The following E2F3 variants were observed in gnomAD, a reference collection of about 807,000 sequenced individuals.
E2F3 encodes the protein E2F transcription factor 3, also known as transcription factor E2F3.
In E2F3, 11 loss-of-function variants were observed where a neutral mutation model predicts 44.4. That is an observed-to-expected ratio of 0.25 (90% CI 0.16 to 0.41). E2F3 has a LOEUF of 0.41. Among genes scored for constraint, E2F3 ranks in the 10% least tolerant of loss-of-function variants. The pLI is 1.00. For missense variants in E2F3, 487 were observed against 583.6 expected (o/e 0.83, Z 1.70); for synonymous variants, 249 against 253.0 (o/e 0.98, Z 0.15).
chr6:20,402,409 G>C lies in E2F3; in HGVS notation c.177G>C (p.Gln59His). Residue 59 changes from glutamine to histidine, a missense_variant, in exon 1 of 7, where the codon CAG becomes CAC. Gln to His is a conservative substitution (Grantham distance 24). Transcript: ENST00000346618. This position sits in a 1 kb window ranked among gnomAD's most constrained non-coding sequence, Gnocchi z 5.6. ...AAAAAPGAYI[Q>H]ILTTNTSTTS... is the part of the protein sequence containing the mutation. ...CCGCCGCCCCGGGCGCGTACATCCA[G>C]ATCCTCACCACGAACACTTCCACCA... 6.2e-7 allele frequency: 1 copy of C among 1,609,782 alleles called. No homozygotes were observed. The highest frequency in any genetic ancestry group is 1.1e-5 in the South Asian group (1 of 90,700).
intron 1 of E2F3, 96 bp from the exon 2 acceptor site, chr6:20,479,750 G>A: frequency 1.0e-6 from 1 of 980,226 alleles, no homozygotes; most frequent in Non-Finnish European, 1.6e-6. Flanking sequence ...GAGCTGGCAT[G>A]AGCCTGCAGC....
chr6:20,448,976 G>A (rs902928645), intron 1 of E2F3, among the ~76,000 whole-genome samples: 8 of 152,178 alleles, frequency 5.3e-5, no homozygotes, highest in Non-Finnish European at 5.9e-5. Context: ...CTTAGTAAAT[G>A]CTGTTCTGGA....
chr6:20,475,591 T>C (rs1356506113), intron 1 of E2F3, among the ~76,000 whole-genome samples: 4 of 152,206 alleles, frequency 2.6e-5, no homozygotes, highest in Non-Finnish European at 5.9e-5. Flanking sequence ...AACCTCCACC[T>C]CCCAGGTTCA....
chr6:20,463,794 A>G (rs1312198888), intron 1 of E2F3, among the ~76,000 whole-genome samples: 2 of 152,200 alleles, frequency 1.3e-5, no homozygotes, highest in African/African-American at 2.4e-5. Flanking sequence ...TCATCTACCC[A>G]GAGATAGCGT....
At chr6:20,484,667 A>G (rs1346015173) in intron 4 of E2F3, among the ~76,000 whole-genome samples, 1 of 152,240 alleles carries the variant, frequency 6.6e-6, no homozygotes, top group Non-Finnish European at 1.5e-5. Context: ...TGAATTAGCC[A>G]TCATCTCAAC....
At position 20,486,796 on chromosome 6, in the gene E2F3, C is replaced by T. The variant is rs2127626070; in HGVS notation, c.992C>T (p.Ser331Leu). The change falls in exon 5 of 7, where the codon TCA becomes TTA. Residue 331 changes from serine (S) to leucine (L), a missense_variant. Transcript: ENST00000346618. ...PPETRLEVPDSIESLQIHLAS... is the reference protein window; with the variant it reads ...PPETRLEVPDLIESLQIHLAS... ...GAAACAAGACTTGAAGTGCCTGACTCAATAGAGGTAAGGAGACAGCGTCTT... is the reference window on the plus strand; with the variant it reads ...GAAACAAGACTTGAAGTGCCTGACTTAATAGAGGTAAGGAGACAGCGTCTT... The T allele has an allele frequency of 6.2e-7, 1 of 1,604,464 alleles. No homozygotes were observed. The highest frequency in any genetic ancestry group is 1.1e-5 in the South Asian group (1 of 90,386).
chr6:20,420,124 TACCACCACC>T (rs1271244492), intron 1 of E2F3, among the ~76,000 whole-genome samples: 2 of 152,212 alleles, frequency 1.3e-5, no homozygotes, highest in African/African-American at 4.8e-5. Flanking sequence ...TTGCTGCTGC[TACCACCACC>T]ACCGCTACTA....
intron 1 of E2F3, among the ~76,000 whole-genome samples, chr6:20,430,333 G>A (rs1269016818): frequency 6.6e-6 from 1 of 152,110 alleles, no homozygotes; most frequent in Non-Finnish European, 1.5e-5. Context: ...TCTAAAGATA[G>A]GACTCAGGAT....
intron 1 of E2F3, among the ~76,000 whole-genome samples, chr6:20,429,405 T>C (rs1467847520): frequency 1.3e-5 from 2 of 152,196 alleles, no homozygotes; most frequent in Non-Finnish European, 2.9e-5. Context: ...ACCTGGGACT[T>C]GAGTCATCCC....
chr6:20,447,029 T>C (rs1760968054), intron 1 of E2F3, among the ~76,000 whole-genome samples: 1 of 152,338 alleles, frequency 6.6e-6, no homozygotes, highest in East Asian at 1.9e-4. Context: ...CAGAATATAA[T>C]CAATTTTTAA....
chr6:20,402,593 CGCGGCGGCA>C lies in E2F3; in HGVS notation c.370_378del (p.Ser124_Gly126del), dbSNP rs1263818507. 6.2e-5 allele frequency: 86 copies of C among 1,381,278 alleles called. No individual in the cohort carries two copies. Among genetic ancestry groups the C allele is most frequent in the African/African-American group, 2.6e-4 (17 of 65,806 alleles). The allele number at this position is 1,381,278 out of a possible 1,614,324, so 85.6% of individuals were successfully genotyped here. On this transcript the variant is annotated inframe_deletion, in exon 1 of 7. Coordinates refer to ENST00000346618, the MANE Select transcript of E2F3 (RefSeq NM_001949.5). The surrounding 1 kb of genome is among the most constrained non-coding windows in gnomAD (Gnocchi z 5.6). ...GCTGCAGCAGCCACCAGCGCTGGGA[CGCGGCGGCA>C]GCGGCGGCGGCGGCGGCCCTCCGGT... is the stretch of plus-strand genomic sequence containing the variant.
At chr6:20,414,886 G>T (rs756041062) in intron 1 of E2F3, among the ~76,000 whole-genome samples, 1 of 152,150 alleles carries the variant, frequency 6.6e-6, no homozygotes, top group Non-Finnish European at 1.5e-5. Flanking sequence ...GCCAATTACC[G>T]TGTGTGACCT....
chr6:20,454,771 G>C (rs556455301), intron 1 of E2F3, among the ~76,000 whole-genome samples: 47 of 152,286 alleles, frequency 3.1e-4, no homozygotes, highest in African/African-American at 1.0e-3. Flanking sequence ...TCTGATGACT[G>C]TTAGCCACGC....
intron 4 of E2F3, among the ~76,000 whole-genome samples, chr6:20,484,364 GA>G (rs1273293334): frequency 6.6e-6 from 1 of 152,200 alleles, no homozygotes; most frequent in Non-Finnish European, 1.5e-5. Context: ...CAAATGTGTT[GA>G]AATTTTCCTT....
chr6:20,454,290 C>T (rs1761236935), intron 1 of E2F3, among the ~76,000 whole-genome samples: 1 of 152,210 alleles, frequency 6.6e-6, no homozygotes, highest in South Asian at 2.1e-4. Flanking sequence ...ACAAGCCTCT[C>T]AGGTGTTTCT....
At chr6:20,444,044 T>C (rs531589184) in intron 1 of E2F3, among the ~76,000 whole-genome samples, 1 of 151,934 alleles carries the variant, frequency 6.6e-6, no homozygotes. Flanking sequence ...AAACCAGGTC[T>C]CTACAAAAAA....
At chr6:20,437,701 C>T (rs1460396201) in intron 1 of E2F3, 1 of 152,184 alleles carries the variant, frequency 6.6e-6, no homozygotes, top group Non-Finnish European at 1.5e-5. Context: ...AAAACGGACA[C>T]TTGTCATTCT....
chr6:20,442,948 C>T (rs547694800), intron 1 of E2F3, among the ~76,000 whole-genome samples: 70 of 146,718 alleles, frequency 4.8e-4, no homozygotes, highest in Admixed American at 8.4e-4. Flanking sequence ...CCAGCCTGGG[C>T]GACAAGAGCA....
chr6:20,492,244 G>A lies in E2F3; in HGVS notation c.*1814G>A, dbSNP rs1561892153. The A allele has an allele frequency of 4.3e-6, 1 of 230,808 alleles. No homozygotes were observed. The highest frequency in any genetic ancestry group is 8.6e-6 in the Non-Finnish European group (1 of 116,342). 14.3% of individuals were successfully genotyped at this position (230,808 alleles called of 1,614,324 possible). On this transcript the variant is annotated 3_prime_UTR_variant, in exon 7 of 7. Coordinates refer to ENST00000346618, the MANE Select transcript of E2F3 (RefSeq NM_001949.5). ...GCAAAGTGGTGGTGGGGTCAAGACAGATGACACCAGCACTTTAAACTCTTT... is the reference window on the plus strand; with the variant it reads ...GCAAAGTGGTGGTGGGGTCAAGACAAATGACACCAGCACTTTAAACTCTTT...
Sources: gnomAD v4.1 joint callset for allele counts (sites outside exome capture counted in the v4.1 genomes callset) on GRCh38, gnomAD v4.1.1 for gene constraint, Gnocchi (gnomAD v3.1) non-coding constraint, MANE v1.5 for transcripts, NCBI Gene and HGNC (gene_info 2026-07-23, HGNC 2026-07-21) for gene names.